MCC: variants seen among roughly 807,000 people sequenced by gnomAD.
MCC encodes MCC regulator of Wnt signaling pathway.
In MCC, 90 loss-of-function variants were observed where a neutral mutation model predicts 116.2. The ratio of observed to expected loss-of-function variants is 0.77; its 90% CI spans 0.65 to 0.92. MCC has a LOEUF of 0.92. Ranked by LOEUF, MCC falls within the 40% of genes least tolerant of loss-of-function variation. MCC has a pLI of 0.00. For missense variants in MCC, 1,516 were observed against 1,312.2 expected (o/e 1.16, Z -2.40); for synonymous variants, 578 against 510.5 (o/e 1.13, Z -1.78).
At chr5:113,056,699 G>A (rs1010889861) in intron 14 of MCC, among the ~76,000 whole-genome samples, 3 of 151,918 alleles carry the variant, frequency 2.0e-5, no homozygotes, top group Non-Finnish European at 2.9e-5. Flanking sequence ...TGTAACAACC[G>A]TCCACATGTA....
At chr5:113,095,396 G>A (rs776258231) in intron 8 of MCC, among the ~76,000 whole-genome samples, 1 of 152,284 alleles carries the variant, frequency 6.6e-6, no homozygotes, top group Non-Finnish European at 1.5e-5. Context: ...TCTAAAAAGG[G>A]TATAATAATA....
chr5:113,205,006 GT>G (rs1762850952), intron 3 of MCC, among the ~76,000 whole-genome samples: 1 of 152,154 alleles, frequency 6.6e-6, no homozygotes, highest in Admixed American at 6.5e-5. Flanking sequence ...CTATGGACTG[GT>G]TTTATAGCCA....
At chr5:113,431,302 A>G (rs1489270101) in intron 1 of MCC, among the ~76,000 whole-genome samples, 2 of 152,148 alleles carry the variant, frequency 1.3e-5, no homozygotes, top group Non-Finnish European at 2.9e-5. Flanking sequence ...GGGCTTAGAC[A>G]AAAGAAAAGT....
intron 1 of MCC, chr5:113,435,500 G>T (rs1005929379): frequency 6.6e-6 from 1 of 152,194 alleles, no homozygotes; most frequent in Non-Finnish European, 1.5e-5. Flanking sequence ...GGCTGGCAGG[G>T]GATGGGAGGA....
chr5:113,344,941 C>T (rs560237385), intron 2 of MCC, among the ~76,000 whole-genome samples: 10 of 152,166 alleles, frequency 6.6e-5, no homozygotes, highest in African/African-American at 2.2e-4. Context: ...TGTCTTGCAC[C>T]GCAGGTACCA....
At chr5:113,346,146 T>G (rs1768126347) in intron 2 of MCC, among the ~76,000 whole-genome samples, 1 of 151,828 alleles carries the variant, frequency 6.6e-6, no homozygotes, top group African/African-American at 2.4e-5. Flanking sequence ...ACCTGGAGCT[T>G]GGAGAGGGGT....
intron 8 of MCC, among the ~76,000 whole-genome samples, chr5:113,099,452 G>A (rs994203510): frequency 2.0e-4 from 31 of 152,114 alleles, no homozygotes; most frequent in Non-Finnish European, 3.4e-4. Flanking sequence ...CGTATCACTC[G>A]ACAGGTAACT....
intron 3 of MCC, among the ~76,000 whole-genome samples, chr5:113,159,675 G>A (rs2150296403): frequency 1.3e-5 from 2 of 152,256 alleles, no homozygotes; most frequent in East Asian, 3.9e-4. Context: ...CCACACCCAG[G>A]TGTTCTAATT....
intron 3 of MCC, among the ~76,000 whole-genome samples, chr5:113,245,803 G>A (rs1156433698): frequency 3.3e-5 from 5 of 152,198 alleles, no homozygotes; most frequent in Admixed American, 2.6e-4. Context: ...AACTCATACT[G>A]TGACAATTTA....
At chr5:113,112,999 T>G (rs1757187008) in intron 6 of MCC, among the ~76,000 whole-genome samples, 1 of 152,174 alleles carries the variant, frequency 6.6e-6, no homozygotes, top group African/African-American at 2.4e-5. Flanking sequence ...CACAGAGAAT[T>G]TTAGCCAGGC....
chr5:113,380,148 A>G (rs1769082118), intron 2 of MCC, among the ~76,000 whole-genome samples: 1 of 152,200 alleles, frequency 6.6e-6, no homozygotes. Flanking sequence ...TGTGCTGTGA[A>G]ATGTCGAGGC....
chr5:113,212,063 T>C (rs765374331), intron 3 of MCC, among the ~76,000 whole-genome samples: 35 of 152,202 alleles, frequency 2.3e-4, no homozygotes, highest in Non-Finnish European at 1.6e-4. Context: ...AGATTATGTA[T>C]TTGCAGCTTA....
intron 4 of MCC, among the ~76,000 whole-genome samples, chr5:113,146,135 C>G (rs955506712): frequency 6.6e-6 from 1 of 152,072 alleles, no homozygotes; most frequent in East Asian, 1.9e-4. Flanking sequence ...AAATAGCATA[C>G]AATGTAGTAC....
At chr5:113,072,144 C>G (rs1017993744) in intron 11 of MCC, among the ~76,000 whole-genome samples, 2 of 152,220 alleles carry the variant, frequency 1.3e-5, no homozygotes, top group African/African-American at 4.8e-5. Flanking sequence ...ACTCTGACCA[C>G]TAACTCTTAA....
chr5:113,190,710 T>G (rs1056483583), intron 3 of MCC, among the ~76,000 whole-genome samples: 1 of 152,200 alleles, frequency 6.6e-6, no homozygotes, highest in Non-Finnish European at 1.5e-5. Flanking sequence ...AATCTGAGCA[T>G]GTCGAGCTGC....
At chr5:113,032,401 T>A (rs1207825504) in intron 17 of MCC, among the ~76,000 whole-genome samples, 1 of 125,450 alleles carries the variant, frequency 8.0e-6, no homozygotes, top group Non-Finnish European at 1.6e-5. Context: ...AGAATGAAAC[T>A]CTGTATCAAA....
At chr5:113,280,485 A>G (rs544860800) in intron 3 of MCC, among the ~76,000 whole-genome samples, 1 of 152,358 alleles carries the variant, frequency 6.6e-6, no homozygotes, top group African/African-American at 2.4e-5. Flanking sequence ...AGACAGAGAC[A>G]TAGGTGAACA....
intron 17 of MCC, among the ~76,000 whole-genome samples, chr5:113,041,752 T>G (rs1254171183): frequency 6.6e-6 from 1 of 152,194 alleles, no homozygotes; most frequent in Non-Finnish European, 1.5e-5. Context: ...CAGAGCACAC[T>G]GTGAGGCCAA....
At chr5:113,485,531 A>G (rs1772496292) in intron 1 of MCC, among the ~76,000 whole-genome samples, 1 of 152,250 alleles carries the variant, frequency 6.6e-6, no homozygotes, top group Non-Finnish European at 1.5e-5. Context: ...TTAATGATAC[A>G]GGCACAACTT....
Sources: gnomAD v4.1 joint callset for allele counts (sites outside exome capture counted in the v4.1 genomes callset) on GRCh38, gnomAD v4.1.1 for gene constraint, MANE v1.5 for transcripts, NCBI Gene and HGNC (gene_info 2026-07-23, HGNC 2026-07-21) for gene names.